The following VCPIP1 variants were observed in gnomAD, a reference collection of about 807,000 sequenced individuals.
VCPIP1 encodes valosin containing protein interacting protein 1.
VCPIP1 carries 8 observed loss-of-function variants against 85.0 expected under a neutral mutation model. That is an observed-to-expected ratio of 0.09 (90% CI 0.06 to 0.17). The LOEUF (loss-of-function observed/expected upper bound fraction) is 0.17. Ranked by LOEUF, VCPIP1 falls within the 10% of genes least tolerant of loss-of-function variation. VCPIP1 has a pLI of 1.00. For missense variants in VCPIP1, 1,070 were observed against 1,486.3 expected (o/e 0.72, Z 4.61); for synonymous variants, 543 against 544.5 (o/e 1.00, Z 0.04).
chr8:66,665,413 C>T lies in VCPIP1; in HGVS notation c.1546G>A (p.Val516Ile). 6.2e-7 allele frequency: 1 copy of T among 1,614,216 alleles called. No individual in the cohort carries two copies. Among genetic ancestry groups the T allele is most frequent in the African/African-American group, 1.3e-5 (1 of 75,052 alleles). Reference sequence around the variant, plus strand: ...TCTTTCACTGAATCATATGAGCAAACCAAATTGTTCAAGGGAAAGCTGTAA... The same window carrying T: ...TCTTTCACTGAATCATATGAGCAAATCAAATTGTTCAAGGGAAAGCTGTAA... ...KNYSFPLNNLVCSYDSVKDVL... is the reference protein window; with the variant it reads ...KNYSFPLNNLICSYDSVKDVL... Residue 516 changes from valine (V) to isoleucine (I), a missense_variant, in exon 1 of 3, where the codon GTT (valine) becomes ATT (isoleucine). Transcript: ENST00000310421. The surrounding 1 kb of genome is among the most constrained non-coding windows in gnomAD (Gnocchi z 4.3).
chr8:66,638,985 T>TATATAC (rs1302544149), intron 2 of VCPIP1, among the ~76,000 whole-genome samples: 21 of 149,034 alleles, frequency 1.4e-4, no homozygotes, highest in African/African-American at 5.3e-4. Flanking sequence ...TATATATATA[T>TATATAC]ACATATATTT....
intron 1 of VCPIP1, among the ~76,000 whole-genome samples, chr8:66,658,249 G>A (rs922603574): frequency 1.3e-4 from 20 of 150,888 alleles, no homozygotes; most frequent in Middle Eastern, 3.5e-3. Flanking sequence ...CAGGAGAATC[G>A]CTTGAAACTG....
Position 66,633,485 on chromosome 8 carries a change from C to A in VCPIP1, c.*1016G>T, listed in dbSNP as rs1810853468. 6.6e-6 allele frequency: 1 copy of A among 151,772 alleles called. No homozygotes were observed. The highest frequency in any genetic ancestry group is 2.4e-5 in the African/African-American group (1 of 41,216). 9.4% of individuals were successfully genotyped at this position (151,772 alleles called of 1,614,324 possible). On this transcript the variant is annotated 3_prime_UTR_variant, in exon 3 of 3. Coordinates refer to ENST00000310421, the MANE Select transcript of VCPIP1 (RefSeq NM_025054.5). ...TTGATGAATACACTAAGCAAATACCCAGCTGATCAGGGTGTGATGCAGTAA... is the reference window on the plus strand; with the variant it reads ...TTGATGAATACACTAAGCAAATACCAAGCTGATCAGGGTGTGATGCAGTAA...
chr8:66,639,118 G>A, intron 2 of VCPIP1, among the ~76,000 whole-genome samples: 1 of 150,990 alleles, frequency 6.6e-6, no homozygotes, highest in East Asian at 2.0e-4. Flanking sequence ...ACCAGTAGCT[G>A]AGACTACGGG....
At chr8:66,643,884 C>CAAAAA (rs35921029) in intron 2 of VCPIP1, among the ~76,000 whole-genome samples, 1 of 70,514 alleles carries the variant, frequency 1.4e-5, no homozygotes, top group Non-Finnish European at 3.2e-5. Context: ...AATGGACAGC[C>CAAAAA]AAAAAAAAAA....
At position 66,631,190 on chromosome 8, in the gene VCPIP1, A is replaced by G. The variant is rs910510787; in HGVS notation, c.*3311T>C. ...TCAAAATCTGTGTAGTATTTTAAGT[A>G]TGAACCAATTGAAATTACTGTTGAA... On this transcript the variant is annotated 3_prime_UTR_variant, in exon 3 of 3. Transcript: ENST00000310421. The G allele has an allele frequency of 6.6e-6, 1 of 152,166 alleles. No individual in the cohort carries two copies. Among genetic ancestry groups the G allele is most frequent in the African/African-American group, 2.4e-5 (1 of 41,454 alleles). The allele number at this position is 152,166 out of a possible 1,614,324, so 9.4% of individuals were successfully genotyped here.
At position 66,666,915 on chromosome 8, in the gene VCPIP1, G is replaced by A. The variant is rs990453573; in HGVS notation, c.44C>T (p.Pro15Leu). 1.3e-6 allele frequency: 2 copies of A among 1,590,024 alleles called. No homozygotes were observed. The highest frequency in any genetic ancestry group is 1.7e-6 in the Non-Finnish European group (2 of 1,172,966). ...PPPPPPLPPP[P>L]PPPEAPQTPS... ...AGTCTGTGGAGCCTCAGGGGGAGGA[G>A]GTGGCGGCGGCAACGGAGGCGGCGG... The change falls in exon 1 of 3, where the codon CCT becomes CTT. Residue 15 changes from proline (P) to leucine (L), a missense_variant. Coordinates refer to ENST00000310421, the MANE Select transcript of VCPIP1 (RefSeq NM_025054.5). This position sits in a 1 kb window ranked among gnomAD's most constrained non-coding sequence, Gnocchi z 6.3.
chr8:66,649,302 A>G (rs1811030322), intron 2 of VCPIP1, among the ~76,000 whole-genome samples: 1 of 152,068 alleles, frequency 6.6e-6, no homozygotes, highest in Admixed American at 6.6e-5. Context: ...CTCGAGCTCA[A>G]GAGTTCAAGA....
intron 1 of VCPIP1, among the ~76,000 whole-genome samples, chr8:66,660,563 C>T (rs1283475915): frequency 6.6e-6 from 1 of 152,210 alleles, no homozygotes; most frequent in East Asian, 1.9e-4. Context: ...TAACATAACA[C>T]AGCTTAGCTC....
At chr8:66,661,930 A>T (rs1586630080) in intron 1 of VCPIP1, among the ~76,000 whole-genome samples, 2 of 144,434 alleles carry the variant, frequency 1.4e-5, no homozygotes, top group East Asian at 2.1e-4. Flanking sequence ...CACCCGGCTT[A>T]TTTTTTTTTT....
chr8:66,636,310 T>C (rs1156335446), intron 2 of VCPIP1, among the ~76,000 whole-genome samples: 1 of 149,008 alleles, frequency 6.7e-6, no homozygotes, highest in Non-Finnish European at 1.5e-5. Context: ...TCCTTGGCTA[T>C]CCCTAGAAAG....
chr8:66,663,886 A>C (rs1410031691), intron 1 of VCPIP1, among the ~76,000 whole-genome samples: 1 of 152,192 alleles, frequency 6.6e-6, no homozygotes, highest in Non-Finnish European at 1.5e-5. Context: ...CAGGAAAATA[A>C]AAATTAAAAA....
At chr8:66,655,809 C>T (rs1811094467) in intron 1 of VCPIP1, among the ~76,000 whole-genome samples, 1 of 152,052 alleles carries the variant, frequency 6.6e-6, no homozygotes. Flanking sequence ...TGTTAGTCTC[C>T]AATTATTTTT....
At chr8:66,641,004 CTGTT>C (rs1427094270) in intron 2 of VCPIP1, among the ~76,000 whole-genome samples, 3 of 152,238 alleles carry the variant, frequency 2.0e-5, no homozygotes, top group African/African-American at 7.2e-5. Context: ...AAAGGGCACA[CTGTT>C]AACACATGCC....
At chr8:66,661,966 A>G (rs1420295765) in intron 1 of VCPIP1, among the ~76,000 whole-genome samples, 2 of 150,842 alleles carry the variant, frequency 1.3e-5, no homozygotes, top group Non-Finnish European at 3.0e-5. Context: ...ACAGGGTTTC[A>G]CCATCTTAGC....
Position 66,666,408 on chromosome 8 carries a change from C to A in VCPIP1, c.551G>T (p.Arg184Leu). ...ATGCAAATACAGGAGGCTTCCGGAG[C>A]GGTCCTTGCCATAGCCCACAGTGTT... ...HVNTVGYGKDRSGSLLYLHDT... is the reference protein window; with the variant it reads ...HVNTVGYGKDLSGSLLYLHDT... The change falls in exon 1 of 3, where the codon CGC becomes CTC. Residue 184 changes from arginine (R) to leucine (L), a missense_variant. Around this residue, in one of 8 missense-constraint regions of VCPIP1, gnomAD observed 118 missense variants for 337.1 expected, o/e 0.35. Transcript: ENST00000310421. This position sits in a 1 kb window ranked among gnomAD's most constrained non-coding sequence, Gnocchi z 6.3. The A allele has an allele frequency of 2.5e-6, 4 of 1,614,090 alleles. No homozygotes were observed. The highest frequency in any genetic ancestry group is 3.4e-6 in the Non-Finnish European group (4 of 1,180,002).
rs769715868 is a variant in VCPIP1, at chr8:66,665,185, A to G, written c.1774T>C (p.Phe592Leu). The change falls in exon 1 of 3, where the codon TTC becomes CTC. Residue 592 changes from phenylalanine (F) to leucine (L), a missense_variant. This residue lies in a region of VCPIP1 where 123 missense variants were observed against 156.3 expected (regional missense o/e 0.79). Transcript: ENST00000310421. This position sits in a 1 kb window ranked among gnomAD's most constrained non-coding sequence, Gnocchi z 4.3. ...CCACCCCATTCTAAAGTAATAGGGA[A>G]AGCTTCTGGTAGATTGTCATACTCC... ...GKEYDNLPEA[F>L]PITLEWGGRV... The G allele has an allele frequency of 1.2e-6, 2 of 1,612,890 alleles. No individual in the cohort carries two copies. The highest frequency in any genetic ancestry group is 1.7e-6 in the Non-Finnish European group (2 of 1,179,394).
chr8:66,655,777 C>T (rs1811094261), intron 1 of VCPIP1, among the ~76,000 whole-genome samples: 1 of 152,118 alleles, frequency 6.6e-6, no homozygotes, highest in African/African-American at 2.4e-5. Context: ...AAGCCTCTAA[C>T]AATTATGTTA....
Position 66,667,199 on chromosome 8 carries a change from C to G in VCPIP1, c.-241G>C, listed in dbSNP as rs184175736. On this transcript the variant is annotated 5_prime_UTR_variant, in exon 1 of 3. Coordinates refer to ENST00000310421, the MANE Select transcript of VCPIP1 (RefSeq NM_025054.5). Reference sequence around the variant, plus strand: ...GCCACCACCCCACCCCGCACTCACACTCACTCACTCTCGCTCTCTCTCCCT... The same window carrying G: ...GCCACCACCCCACCCCGCACTCACAGTCACTCACTCTCGCTCTCTCTCCCT... 8.3e-6 allele frequency: 6 copies of G among 722,278 alleles called. No individual in the cohort carries two copies. The highest frequency in any genetic ancestry group is 1.0e-5 in the Non-Finnish European group (5 of 476,698). The allele number at this position is 722,278 out of a possible 1,614,324, so 44.7% of individuals were successfully genotyped here.
Sources: allele counts gnomAD v4.1 joint callset (sites outside exome capture counted in the v4.1 genomes callset), GRCh38; gene constraint gnomAD v4.1.1; regional missense constraint gnomAD v4.1.1; non-coding constraint Gnocchi (gnomAD v3.1); transcripts MANE v1.5; gene names NCBI Gene and HGNC (gene_info 2026-07-23, HGNC 2026-07-21).